Variants in SLC22A25 observed in about 807,000 individuals in gnomAD.
SLC22A25 encodes the protein MGI:2442751, MGI:2385316, MGI:3042283, MGI:3645714, MGI:3605624, MGI:2442750.
SLC22A25 carries 44 observed loss-of-function variants against 45.9 expected under a neutral mutation model. That is an observed-to-expected ratio of 0.96 (90% CI 0.75 to 1.23). SLC22A25 has a LOEUF of 1.23. Ranked by LOEUF, SLC22A25 falls within the 50% of genes most tolerant of loss-of-function variation. The pLI is 0.00. For synonymous variants in SLC22A25, 283 were observed against 238.6 expected (o/e 1.19, Z -1.72); for missense variants, 800 against 666.4 (o/e 1.20, Z -2.21).
At chr11:63,177,254 T>C (rs572900859) in intron 9 of SLC22A25, among the ~76,000 whole-genome samples, 2 of 152,172 alleles carry the variant, frequency 1.3e-5, no homozygotes, top group East Asian at 3.9e-4. Flanking sequence ...ATTATACATA[T>C]TTATGAGGCA....
chr11:63,216,290 C>T lies in SLC22A25; in HGVS notation c.830+1024G>A, dbSNP rs1041506724. ...CTGTTGGTGGGAGTGTAAATTCATTCGACCATTGTGGAATACAGTGTGGTG... is the reference window on the plus strand; with the variant it reads ...CTGTTGGTGGGAGTGTAAATTCATTTGACCATTGTGGAATACAGTGTGGTG... On this transcript the variant is annotated intron_variant, in intron 7 of 11. Coordinates refer to ENST00000306494, the MANE Select transcript of SLC22A25 (RefSeq NM_199352.6). Among the ~76,000 whole-genome samples the T allele has an allele frequency of 9.2e-5, 14 of 152,182 alleles. No homozygotes were observed. The East Asian group carries it at 1.4e-3, about 15-fold the overall frequency.
rs377330482 is a variant in SLC22A25 at position 63,198,845 on chromosome 11, C to A, written c.831-15028G>T. 2.1e-4 allele frequency among the ~76,000 whole-genome samples: 32 copies of A among 152,196 alleles called. No individual in the cohort carries two copies. In the South Asian group the frequency reaches 6.6e-3, roughly 32 times the overall value. On this transcript the variant is annotated intron_variant, in intron 7 of 11. Coordinates refer to ENST00000306494, the MANE Select transcript of SLC22A25 (RefSeq NM_199352.6). ...AAATTATGGCAGAAATCAAGAAATT[C>A]TTTGAAACTTAATGAGAACAAAGAT...
chr11:63,173,969 G>T (rs2087990137), intron 9 of SLC22A25, among the ~76,000 whole-genome samples: 1 of 150,452 alleles, frequency 6.6e-6, no homozygotes, highest in East Asian at 2.0e-4. Flanking sequence ...TGTTACATAG[G>T]TATACAAGTG....
chr11:63,189,208 G>A (rs2088693022), intron 7 of SLC22A25, among the ~76,000 whole-genome samples: 1 of 152,172 alleles, frequency 6.6e-6, no homozygotes, highest in Non-Finnish European at 1.5e-5. Flanking sequence ...CTAAGGACTA[G>A]TTTTATGAAT....
intron 3 of SLC22A25, among the ~76,000 whole-genome samples, chr11:63,234,190 C>G (rs1410296329): frequency 1.3e-5 from 2 of 152,110 alleles, no homozygotes; most frequent in African/African-American, 4.8e-5. Flanking sequence ...CCTGGATATC[C>G]TTGTTAACTT....
chr11:63,228,361 C>A (rs1363808709), intron 5 of SLC22A25, 100 bp downstream of exon 5: 1 of 904,386 alleles, frequency 1.1e-6, no homozygotes, highest in Admixed American at 2.5e-5. Flanking sequence ...ACCAAGGGAG[C>A]AACAGGATAG....
At chr11:63,228,399 A>G (rs1014809730) in intron 5 of SLC22A25, 62 bp downstream of exon 5, 44 of 1,323,570 alleles carry the variant, frequency 3.3e-5, no homozygotes, top group Middle Eastern at 1.9e-4. Context: ...TTTCTAGATG[A>G]AAAGTGTTTC....
At chr11:63,222,240 T>C (rs1390268484) in intron 5 of SLC22A25, among the ~76,000 whole-genome samples, 1 of 152,176 alleles carries the variant, frequency 6.6e-6, no homozygotes, top group Non-Finnish European at 1.5e-5. Context: ...TTTAACAATA[T>C]TGATTATTCC....
chr11:63,228,587 T>C, intron 4 of SLC22A25, 23 bp from the exon 5 acceptor site: 8 of 1,534,130 alleles, frequency 5.2e-6, no homozygotes, highest in Non-Finnish European at 6.3e-6. Context: ...GAAACCCTCA[T>C]ATCAATGCTT....
Position 63,243,417 on chromosome 11 carries a change from C to A in SLC22A25, c.-996+17G>T. On this transcript the variant is annotated intron_variant, in intron 1 of 11. Coordinates refer to ENST00000306494, the MANE Select transcript of SLC22A25 (RefSeq NM_199352.6). ...CAGAAGTGTGAAGAAAAGGTTTTCCCTCTGGCCACGATTTACCTGGACTGT... is the reference window on the plus strand; with the variant it reads ...CAGAAGTGTGAAGAAAAGGTTTTCCATCTGGCCACGATTTACCTGGACTGT... 1 of 730,764 alleles carries A rather than the reference C, an allele frequency of 1.4e-6. No homozygotes were observed. The highest frequency in any genetic ancestry group is 2.6e-6 in the Non-Finnish European group (1 of 391,328). The allele number at this position is 730,764 out of a possible 1,614,324, so 45.3% of individuals were successfully genotyped here.
At chr11:63,194,203 G>A (rs899469728) in intron 7 of SLC22A25, among the ~76,000 whole-genome samples, 1 of 152,170 alleles carries the variant, frequency 6.6e-6, no homozygotes, top group East Asian at 1.9e-4. Context: ...GTACCTGAAA[G>A]TGATGGGGAG....
intron 5 of SLC22A25, among the ~76,000 whole-genome samples, chr11:63,225,335 C>T (rs2089937915): frequency 6.6e-6 from 1 of 152,084 alleles, no homozygotes; most frequent in African/African-American, 2.4e-5. Context: ...GATGAAACCT[C>T]TCAGCCTTTG....
intron 2 of SLC22A25, among the ~76,000 whole-genome samples, chr11:63,238,303 T>C (rs969843347): frequency 6.6e-6 from 1 of 152,214 alleles, no homozygotes; most frequent in African/African-American, 2.4e-5. Context: ...TTTGTGAACC[T>C]TAAAAAATTT....
Position 63,234,405 on chromosome 11 carries a change from C to T in SLC22A25, c.-445+3476G>A, listed in dbSNP as rs1369650463. 2.0e-5 allele frequency among the ~76,000 whole-genome samples: 3 copies of T among 152,250 alleles called. No individual in the cohort carries two copies. The East Asian group carries it at 5.8e-4, about 29-fold the overall frequency. On this transcript the variant is annotated intron_variant, in intron 3 of 11. Coordinates refer to ENST00000306494, the MANE Select transcript of SLC22A25 (RefSeq NM_199352.6). ...ACCATTATGTAATGGCCTTCTTTGTCCCTTTTGATCTTTGTTGGTTTAAAG... is the reference window on the plus strand; with the variant it reads ...ACCATTATGTAATGGCCTTCTTTGTTCCTTTTGATCTTTGTTGGTTTAAAG...
rs373694297 is a variant in SLC22A25, at chr11:63,229,264, G to C, written c.389C>G (p.Thr130Ser). ...GAGGCCTCTTACCTTAGTCACAATG[G>C]TGGAAGGGAAGGAGCTTTGGTCATA... Reference protein sequence around the residue: ...WVYDQSSFPSTIVTKWDLVCE... With the variant: ...WVYDQSSFPSSIVTKWDLVCE... Residue 130 changes from threonine (T) to serine (S), a missense_variant, in exon 4 of 12, where the codon ACC becomes AGC. Transcript: ENST00000306494. 6.5e-7 allele frequency: 1 copy of C among 1,535,522 alleles called. No homozygotes were observed. The highest frequency in any genetic ancestry group is 8.8e-7 in the Non-Finnish European group (1 of 1,138,590).
At position 63,161,450 on chromosome 11, in the gene SLC22A25, C is replaced by G. The variant is rs2087532167; in HGVS notation, c.*2374G>C. Among the ~76,000 whole-genome samples the G allele has an allele frequency of 6.6e-6, 1 of 152,116 alleles. No homozygotes were observed. Among genetic ancestry groups the G allele is most frequent in the Non-Finnish European group, 1.5e-5 (1 of 68,014 alleles). ...ATATGGTTTGACTGTGTCCGCCTAC[C>G]CAATCTCATCTTGAATTGTAGCTCC... On this transcript the variant is annotated 3_prime_UTR_variant, in exon 12 of 12. Transcript: ENST00000306494.
intron 3 of SLC22A25, among the ~76,000 whole-genome samples, chr11:63,231,479 C>T (rs1272223421): frequency 6.6e-6 from 1 of 152,118 alleles, no homozygotes; most frequent in East Asian, 1.9e-4. Context: ...ATATACTTTG[C>T]CCACTTTTTG....
At chr11:63,183,553 C>A (rs959765689) in intron 8 of SLC22A25, 141 bp downstream of exon 8, 3 of 1,016,658 alleles carry the variant, frequency 3.0e-6, no homozygotes, top group Non-Finnish European at 4.4e-6. Flanking sequence ...AATGTTGACA[C>A]CCATTGAGAA....
intron 9 of SLC22A25, 195 bp from the exon 10 acceptor site, chr11:63,166,453 T>C (rs956359082): frequency 7.1e-7 from 1 of 1,409,152 alleles, no homozygotes; most frequent in African/African-American, 1.4e-5. Context: ...GTAACAATTG[T>C]ATCTTGAGGG....
Sources: allele counts gnomAD v4.1 joint callset (sites outside exome capture counted in the v4.1 genomes callset), GRCh38; gene constraint gnomAD v4.1.1; transcripts MANE v1.5; gene names NCBI Gene and HGNC (gene_info 2026-07-23, HGNC 2026-07-21).